The following NALF1 variants were observed in gnomAD, a reference collection of about 807,000 sequenced individuals.
NALF1 encodes the protein NALCN channel auxiliary factor 1, also known as family with sequence similarity 155 member A.
A neutral mutation model predicts 48.4 loss-of-function variants in NALF1; 3 were observed. That is an observed-to-expected ratio of 0.06 (90% confidence interval 0.03 to 0.16). The LOEUF (loss-of-function observed/expected upper bound fraction) is 0.16. Ranked by LOEUF, NALF1 falls within the 10% of genes least tolerant of loss-of-function variation. The probability of loss-of-function intolerance (pLI) is 1.00; values close to 1 mark genes in which losing one functional copy is unlikely to be tolerated. For missense variants in NALF1, 526 were observed against 571.5 expected (o/e 0.92, Z 0.81); for synonymous variants, 262 against 245.7 (o/e 1.07, Z -0.62).
At chr13:107,206,106 GC>G (rs1417702088) in intron 2 of NALF1, among the ~76,000 whole-genome samples, 1 of 152,060 alleles carries the variant, frequency 6.6e-6, no homozygotes, top group Non-Finnish European at 1.5e-5. Context: ...GCTCAATAAT[GC>G]CTAACATTAA....
intron 1 of NALF1, among the ~76,000 whole-genome samples, chr13:107,443,298 C>T (rs1884596683): frequency 6.6e-6 from 1 of 152,122 alleles, no homozygotes; most frequent in African/African-American, 2.4e-5. Flanking sequence ...TCACTGCAAC[C>T]TCTACCTCCG....
At chr13:107,643,783 T>A (rs1430291375) in intron 1 of NALF1, among the ~76,000 whole-genome samples, 1 of 152,098 alleles carries the variant, frequency 6.6e-6, no homozygotes, top group African/African-American at 2.4e-5. Context: ...ATGCCAAAAA[T>A]CATTTGACTC....
chr13:107,756,667 C>A (rs1877107170), intron 1 of NALF1, among the ~76,000 whole-genome samples: 1 of 152,034 alleles, frequency 6.6e-6, no homozygotes, highest in African/African-American at 2.4e-5. Context: ...TTATGGCCCC[C>A]AAACCATGAA....
chr13:107,810,404 G>A (rs1594283752), intron 1 of NALF1, among the ~76,000 whole-genome samples: 1 of 151,956 alleles, frequency 6.6e-6, no homozygotes, highest in Middle Eastern at 3.4e-3. Context: ...CCAGATTCGG[G>A]CACCATTCCT....
chr13:107,200,445 A>G (rs945924283), intron 2 of NALF1, among the ~76,000 whole-genome samples: 11 of 152,182 alleles, frequency 7.2e-5, no homozygotes, highest in Admixed American at 5.2e-4. Context: ...TAGGACTTCG[A>G]GCGAGGGGCA....
Position 107,866,141 on chromosome 13 carries a change from C to T in NALF1, c.456G>A (p.Arg152=), listed in dbSNP as rs763742022. 6.2e-7 allele frequency: 1 copy of T among 1,611,278 alleles called. No homozygotes were observed. The highest frequency in any genetic ancestry group is 1.7e-5 in the Admixed American group (1 of 59,772). ...AGTTTCCTAGAAAAAGAGCCTTGCCCCGGTCGTCTTTGCCTCGGTTGCCCT... is the reference window on the plus strand; with the variant it reads ...AGTTTCCTAGAAAAAGAGCCTTGCCTCGGTCGTCTTTGCCTCGGTTGCCCT... ...GGKGNRGKDD[R]GKALFLGNSA... is the part of the protein sequence containing the mutation. Residue 152 remains arginine (R), a synonymous_variant, in exon 1 of 3, where the codon CGG becomes CGA. Coordinates refer to ENST00000375915, the MANE Select transcript of NALF1 (RefSeq NM_001080396.3). The surrounding 1 kb of genome is among the most constrained non-coding windows in gnomAD (Gnocchi z 4.4).
chr13:107,665,137 G>T (rs1880825370), intron 1 of NALF1, among the ~76,000 whole-genome samples: 1 of 152,098 alleles, frequency 6.6e-6, no homozygotes, highest in Non-Finnish European at 1.5e-5. Flanking sequence ...TACTGTAGAA[G>T]AAATGTCTGT....
chr13:107,770,986 C>T (rs573188968), intron 1 of NALF1, among the ~76,000 whole-genome samples: 4 of 152,104 alleles, frequency 2.6e-5, no homozygotes, highest in Non-Finnish European at 4.4e-5. Flanking sequence ...AATGAGGGAG[C>T]CTGGGTGTAG....
In NALF1 at chr13:107,426,002, C is replaced by T. The variant is rs12430822; in HGVS notation, c.916-215247G>A. On this transcript the variant is annotated intron_variant, in intron 1 of 2. Transcript: ENST00000375915. Reference sequence around the variant, plus strand: ...TATCTCTGCACTATAGTATTGGATACCTCCTTTCTGTGAAACTATGTTAGA... The same window carrying T: ...TATCTCTGCACTATAGTATTGGATATCTCCTTTCTGTGAAACTATGTTAGA... Among the ~76,000 whole-genome samples, 975 of 152,166 alleles carry T rather than the reference C, an allele frequency of 6.4e-3. 12 individuals carry two copies. Among genetic ancestry groups the T allele is most frequent in the East Asian group, 0.045 (233 of 5,182 alleles).
chr13:107,234,200 C>T (rs946920693), intron 1 of NALF1, among the ~76,000 whole-genome samples: 1 of 152,148 alleles, frequency 6.6e-6, no homozygotes, highest in South Asian at 2.1e-4. Flanking sequence ...CTCTTTCAAA[C>T]GTTCTCTGTC....
At chr13:107,268,056 G>A (rs1031462880) in intron 1 of NALF1, among the ~76,000 whole-genome samples, 3 of 144,822 alleles carry the variant, frequency 2.1e-5, no homozygotes, top group Non-Finnish European at 4.5e-5. Context: ...GCGCGATCTC[G>A]GCTCACTGCA....
At chr13:107,280,670 CA>C (rs1297346201) in intron 1 of NALF1, among the ~76,000 whole-genome samples, 3 of 152,110 alleles carry the variant, frequency 2.0e-5, no homozygotes, top group Admixed American at 6.6e-5. Context: ...CATGAAAACT[CA>C]AGAAACTTAA....
chr13:107,776,960 C>T (rs992699228), intron 1 of NALF1, among the ~76,000 whole-genome samples: 1 of 152,054 alleles, frequency 6.6e-6, no homozygotes, highest in African/African-American at 2.4e-5. Context: ...GGCATGGTGG[C>T]TCACGTCTAT....
intron 1 of NALF1, among the ~76,000 whole-genome samples, chr13:107,402,121 C>T (rs1883819508): frequency 1.3e-5 from 2 of 152,130 alleles, no homozygotes; most frequent in South Asian, 4.1e-4. Flanking sequence ...AAGGTAGTGA[C>T]TTCAGTCTTG....
chr13:107,785,112 A>ATGTATATATATATTCATATATATGTGTG (rs772053589), intron 1 of NALF1, among the ~76,000 whole-genome samples: 1 of 151,836 alleles, frequency 6.6e-6, no homozygotes, highest in African/African-American at 2.4e-5. Flanking sequence ...ATGTATGTAT[A>ATGTATATATATATTCATATATATGTGTG]TGTATATATA....
chr13:107,836,061 A>T (rs1032180356), intron 1 of NALF1, among the ~76,000 whole-genome samples: 1 of 152,092 alleles, frequency 6.6e-6, no homozygotes, highest in Non-Finnish European at 1.5e-5. Flanking sequence ...ATGCGATCAT[A>T]CCTCAATGCA....
intron 2 of NALF1, among the ~76,000 whole-genome samples, chr13:107,201,470 G>C: frequency 6.6e-6 from 1 of 152,232 alleles, no homozygotes; most frequent in East Asian, 1.9e-4. Flanking sequence ...CCAGCTACTC[G>C]GGAGGCTGAG....
chr13:107,245,549 A>G (rs1880564399), intron 1 of NALF1, among the ~76,000 whole-genome samples: 1 of 152,162 alleles, frequency 6.6e-6, no homozygotes, highest in South Asian at 2.1e-4. Flanking sequence ...ATAAGTCCTA[A>G]CAAGATCATT....
intron 1 of NALF1, among the ~76,000 whole-genome samples, chr13:107,718,089 C>A (rs754328457): frequency 1.3e-5 from 2 of 152,112 alleles, no homozygotes; most frequent in Non-Finnish European, 2.9e-5. Flanking sequence ...TCAGCGAATG[C>A]GTATCCCTCA....
Sources: gnomAD v4.1 joint callset for allele counts (sites outside exome capture counted in the v4.1 genomes callset) on GRCh38, gnomAD v4.1.1 for gene constraint, Gnocchi (gnomAD v3.1) non-coding constraint, MANE v1.5 for transcripts, NCBI Gene and HGNC (gene_info 2026-07-23, HGNC 2026-07-21) for gene names.